BLTP1: variants seen among roughly 807,000 people sequenced by gnomAD.
The protein encoded by BLTP1 is bridge-like lipid transfer protein family member 1.
At chr4:122,254,949 A>G in the BLTP1 span, 1 of 1,603,998 alleles carries the variant, frequency 6.2e-7, no homozygotes, top group African/African-American at 1.3e-5. Context: ...TGACAGAAGC[A>G]TTAGAGGTAT....
At chr4:122,271,968 T>A in the BLTP1 span, 1 of 298,752 alleles carries the variant, frequency 3.3e-6, no homozygotes, top group Non-Finnish European at 4.9e-6. Context: ...ATTTAAAATA[T>A]CTGGCTCTAC....
At chr4:122,304,859 T>C in the BLTP1 span, 1 of 1,613,970 alleles carries the variant, frequency 6.2e-7, no homozygotes. Flanking sequence ...ACTGGATTGA[T>C]TGAACTGGAA....
At chr4:122,239,924 G>A in the BLTP1 span, 18 of 1,613,924 alleles carry the variant, frequency 1.1e-5, no homozygotes, top group South Asian at 1.1e-4. Context: ...GAACTTATCC[G>A]GGTAGAAAAA....
At chr4:122,188,074 T>G in the BLTP1 span, 1 of 1,498,672 alleles carries the variant, frequency 6.7e-7, no homozygotes, top group Non-Finnish European at 8.9e-7. Context: ...GATATGTTGG[T>G]CTTCAAAATG....
At chr4:122,250,694 A>T in the BLTP1 span, 1 of 984,092 alleles carries the variant, frequency 1.0e-6, no homozygotes, top group Non-Finnish European at 1.5e-6. Flanking sequence ...TTTTGGATTT[A>T]TGATATCTGC....
At chr4:122,301,898 CA>C in the BLTP1 span, among the ~76,000 whole-genome samples, 1 of 151,892 alleles carries the variant, frequency 6.6e-6, no homozygotes, top group Non-Finnish European at 1.5e-5. Flanking sequence ...TTTGTCTCTA[CA>C]AAAAATTTGA....
chr4:122,313,876 T>C, the BLTP1 span: 1 of 169,226 alleles, frequency 5.9e-6, no homozygotes, highest in Non-Finnish European at 1.2e-5. Flanking sequence ...TATATATATA[T>C]AAATATATAC....
At chr4:122,262,742 C>T in the BLTP1 span, 3 of 1,545,320 alleles carry the variant, frequency 1.9e-6, no homozygotes, top group Non-Finnish European at 2.6e-6. Flanking sequence ...TAAGAAATAA[C>T]CCTAAGTTAC....
At chr4:122,345,002 T>C in the BLTP1 span, 1 of 985,032 alleles carries the variant, frequency 1.0e-6, no homozygotes. Context: ...GCAAGTCATT[T>C]CCTTTACATT....
chr4:122,285,136 G>T, the BLTP1 span, among the ~76,000 whole-genome samples: 2 of 152,046 alleles, frequency 1.3e-5, no homozygotes, highest in African/African-American at 4.8e-5. Context: ...GAAATACAGG[G>T]GTCCACAGAA....
chr4:122,153,872 G>T, the BLTP1 span: 1 of 423,612 alleles, frequency 2.4e-6, no homozygotes, highest in Non-Finnish European at 3.2e-6. Context: ...TTTGTTGTTT[G>T]GAAACTTTAA....
chr4:122,244,777 T>TAACAAAC, the BLTP1 span: 14 of 467,998 alleles, frequency 3.0e-5, no homozygotes, highest in Admixed American at 5.1e-4. Flanking sequence ...AGAAGTTTGT[T>TAACAAAC]AAAGAAAAGA....
the BLTP1 span, chr4:122,154,356 G>T: frequency 6.1e-6 from 6 of 984,690 alleles, no homozygotes; most frequent in Admixed American, 6.2e-5. Flanking sequence ...TGCCTATATT[G>T]CTAGGGAATG....
At chr4:122,336,155 T>A in the BLTP1 span, 1,855 of 1,521,864 alleles carry the variant, frequency 1.2e-3, 2 homozygotes, top group Non-Finnish European at 1.2e-3. Flanking sequence ...TGGAACTTTT[T>A]ATAAAATCCA....
At chr4:122,349,914 G>A in the BLTP1 span, 2 of 1,613,722 alleles carry the variant, frequency 1.2e-6, no homozygotes, top group Non-Finnish European at 8.5e-7. This position sits in a 1 kb window ranked among gnomAD's most constrained non-coding sequence, Gnocchi z 4.5. Context: ...TGATATCAAG[G>A]TCAACCACAC....
At chr4:122,174,370 C>G in the BLTP1 span, 2 of 977,594 alleles carry the variant, frequency 2.0e-6, no homozygotes, top group East Asian at 2.3e-4. Context: ...TAGTAGCTTA[C>G]TTCATAGTGA....
At chr4:122,159,035 C>T in the BLTP1 span, among the ~76,000 whole-genome samples, 98 of 152,220 alleles carry the variant, frequency 6.4e-4, no homozygotes, top group African/African-American at 2.2e-3. Context: ...TTTCTTTTGC[C>T]TAGTATTTGA....
At chr4:122,154,354 T>C in the BLTP1 span, 1 of 984,950 alleles carries the variant, frequency 1.0e-6, no homozygotes, top group Non-Finnish European at 1.2e-6. Context: ...TCTGCCTATA[T>C]TGCTAGGGAA....
the BLTP1 span, chr4:122,298,181 A>G: frequency 0.014 from 10,477 of 762,020 alleles, 219 homozygotes; most frequent in African/African-American, 0.082. Flanking sequence ...ACTATTTATT[A>G]TTTAATTGAA....
Sources: gnomAD v4.1 joint callset for allele counts (sites outside exome capture counted in the v4.1 genomes callset) on GRCh38, gnomAD v4.1.1 for gene constraint, Gnocchi (gnomAD v3.1) non-coding constraint, MANE v1.5 for transcripts, NCBI Gene and HGNC (gene_info 2026-07-23, HGNC 2026-07-21) for gene names.